The following LMNTD1 variants were observed in gnomAD, a reference collection of about 807,000 sequenced individuals.
LMNTD1 encodes the protein lamin tail domain-containing protein 1.
Under a neutral mutation model 50.9 loss-of-function variants are expected in LMNTD1, and 35 were observed. That is an observed-to-expected ratio of 0.69 (90% CI 0.53 to 0.91). LMNTD1 has a LOEUF of 0.91. LMNTD1 is among the 40% of genes least tolerant of loss of function. The pLI is 0.00. For synonymous variants in LMNTD1, 153 were observed against 161.9 expected, an observed-to-expected ratio of 0.94 and a Z score of 0.42; for missense variants, 470 against 475.5, an observed-to-expected ratio of 0.99 and a Z score of 0.11.
chr12:25,596,386 G>A (rs1945846214), intron 1 of LMNTD1, among the ~76,000 whole-genome samples: 1 of 151,886 alleles, frequency 6.6e-6, no homozygotes, highest in African/African-American at 2.4e-5. Flanking sequence ...ATGATCAAGA[G>A]GGGTTTCATA....
intron 1 of LMNTD1, among the ~76,000 whole-genome samples, chr12:25,565,249 C>T (rs1944508770): frequency 6.6e-6 from 1 of 151,478 alleles, no homozygotes; most frequent in Non-Finnish European, 1.5e-5. Flanking sequence ...GTGGTCTTCT[C>T]TTTGTTCTTT....
At chr12:25,595,593 A>G (rs774869989) in intron 1 of LMNTD1, among the ~76,000 whole-genome samples, 31 of 152,172 alleles carry the variant, frequency 2.0e-4, no homozygotes, top group Non-Finnish European at 3.8e-4. Flanking sequence ...GCTAGGAGGA[A>G]AGTTCATAGC....
At chr12:25,480,239 G>A (rs1426803315) in intron 9 of LMNTD1, among the ~76,000 whole-genome samples, 3 of 152,148 alleles carry the variant, frequency 2.0e-5, no homozygotes, top group South Asian at 2.1e-4. Flanking sequence ...GCAACTTGAG[G>A]GCATGCACTC....
chr12:25,533,848 A>G (rs144428087), intron 4 of LMNTD1, among the ~76,000 whole-genome samples: 224 of 152,324 alleles, frequency 1.5e-3, no homozygotes, highest in African/African-American at 5.3e-3. Context: ...TGGGAAGATG[A>G]GGATATTTGC....
At chr12:25,583,040 G>C (rs937823526) in intron 1 of LMNTD1, among the ~76,000 whole-genome samples, 1 of 149,308 alleles carries the variant, frequency 6.7e-6, no homozygotes, top group Non-Finnish European at 1.5e-5. Context: ...TTGAGACGGA[G>C]TCTCGATCTT....
chr12:25,527,677 TATATACACACACACACACACACACAC>T (rs1259319074), intron 4 of LMNTD1, among the ~76,000 whole-genome samples: 297 of 19,428 alleles, frequency 0.015, 1 homozygote, highest in African/African-American at 0.036. Context: ...TATATATATA[TATATACACACACACACACACACACAC>T]ACACACACAC....
chr12:25,530,831 A>T (rs1591927405), intron 4 of LMNTD1, among the ~76,000 whole-genome samples: 1 of 152,240 alleles, frequency 6.6e-6, no homozygotes, highest in African/African-American at 2.4e-5. Context: ...GACTTTGCAG[A>T]TATAACTAAA....
At chr12:25,624,233 C>A (rs4963626) in intron 1 of LMNTD1, among the ~76,000 whole-genome samples, 116,072 of 152,116 alleles carry the variant, frequency 0.76, 44,618 homozygotes, top group African/African-American at 0.79. Flanking sequence ...TAGTTAACTC[C>A]CAGAATCATA....
At chr12:25,535,689 A>T (rs1463159375) in intron 4 of LMNTD1, among the ~76,000 whole-genome samples, 1 of 152,100 alleles carries the variant, frequency 6.6e-6, no homozygotes, top group Non-Finnish European at 1.5e-5. Context: ...GGACAAAGAA[A>T]AAACAAATAA....
At chr12:25,574,337 C>T (rs1944911152) in intron 1 of LMNTD1, among the ~76,000 whole-genome samples, 2 of 152,112 alleles carry the variant, frequency 1.3e-5, no homozygotes, top group African/African-American at 4.8e-5. Context: ...GGTATCTTTG[C>T]CAGTGACCCT....
At position 25,581,256 on chromosome 12, in the gene LMNTD1, G is replaced by A. The variant is rs146027387; in HGVS notation, c.59-34702C>T. Reference sequence around the variant, plus strand: ...AAAGGCCCCGCGCAGTGCTTTATTTGTCAAACAGAACTACTGTTGTTTTAT... The same window carrying A: ...AAAGGCCCCGCGCAGTGCTTTATTTATCAAACAGAACTACTGTTGTTTTAT... On this transcript the variant is annotated intron_variant, in intron 1 of 7. Transcript: ENST00000445693. Among the ~76,000 whole-genome samples the A allele has an allele frequency of 7.2e-5, 11 of 152,312 alleles. No homozygotes were observed. In the East Asian group the frequency reaches 2.1e-3, roughly 29 times the overall value.
chr12:25,498,924 A>G (rs1259693522), intron 9 of LMNTD1, among the ~76,000 whole-genome samples: 1 of 152,168 alleles, frequency 6.6e-6, no homozygotes, highest in Admixed American at 6.5e-5. Context: ...GTGAAATGTA[A>G]TTCTGACCGG....
At chr12:25,555,366 G>A (rs1943998885), upstream of LMNTD1, among the ~76,000 whole-genome samples, 1 of 152,154 alleles carries the variant, frequency 6.6e-6, no homozygotes, top group Non-Finnish European at 1.5e-5. Context: ...AAATCAACCT[G>A]AATCTGATGA....
chr12:25,519,939 G>C lies in LMNTD1; in HGVS notation c.935C>G (p.Thr312Arg), dbSNP rs978435786. ...RVFQWTASTA[T>R]ITKEKQDQPK... is the part of the protein sequence containing the mutation. ...TTGATCTTGTTTTTCTTTAGTTATTGTAGCTGTAGATGCTGTCCACTGAAA... is the reference window on the plus strand; with the variant it reads ...TTGATCTTGTTTTTCTTTAGTTATTCTAGCTGTAGATGCTGTCCACTGAAA... The change falls in exon 7 of 10, where the codon ACA (threonine) becomes AGA (arginine). Residue 312 changes from threonine (T) to arginine (R), a missense_variant. Transcript: ENST00000458174. The C allele has an allele frequency of 3.1e-6, 5 of 1,613,120 alleles. No individual in the cohort carries two copies. The highest frequency in any genetic ancestry group is 4.2e-6 in the Non-Finnish European group (5 of 1,179,522).
At chr12:25,535,577 T>C (rs1388200416) in intron 4 of LMNTD1, among the ~76,000 whole-genome samples, 1 of 152,014 alleles carries the variant, frequency 6.6e-6, no homozygotes, top group Non-Finnish European at 1.5e-5. Flanking sequence ...AGAATATTTG[T>C]GCAGAGGAGC....
intron 1 of LMNTD1, among the ~76,000 whole-genome samples, chr12:25,638,448 C>T (rs115537028): frequency 0.014 from 2,202 of 151,992 alleles, 66 homozygotes; most frequent in African/African-American, 0.05. Context: ...TACTAAACAA[C>T]TTACTAAAAG....
chr12:25,521,410 T>C (rs1941311187), intron 6 of LMNTD1, among the ~76,000 whole-genome samples: 1 of 151,926 alleles, frequency 6.6e-6, no homozygotes, highest in Non-Finnish European at 1.5e-5. Flanking sequence ...ATGTAAAATA[T>C]GGTACAACAG....
At chr12:25,518,762 C>T in intron 8 of LMNTD1, 33 bp downstream of exon 8, 2 of 1,605,506 alleles carry the variant, frequency 1.2e-6, no homozygotes, top group Non-Finnish European at 1.7e-6. Flanking sequence ...CACACACGCA[C>T]TCTCCACTGG....
chr12:25,521,455 T>A (rs919621515), intron 6 of LMNTD1, among the ~76,000 whole-genome samples: 1 of 152,190 alleles, frequency 6.6e-6, no homozygotes, highest in Non-Finnish European at 1.5e-5. Context: ...GCCATTTACC[T>A]GTGTGTGCGG....
Sources: allele counts gnomAD v4.1 joint callset (sites outside exome capture counted in the v4.1 genomes callset), GRCh38; gene constraint gnomAD v4.1.1; transcripts MANE v1.5; gene names NCBI Gene and HGNC (gene_info 2026-07-23, HGNC 2026-07-21).